Variants in MCF2L observed in about 807,000 individuals in gnomAD.
MCF2L encodes guanine nucleotide exchange factor DBS.
Under a neutral mutation model 153.4 loss-of-function variants are expected in MCF2L, and 97 were observed. The observed-to-expected ratio is 0.63, with a 90% CI of 0.54 to 0.75. The LOEUF is 0.75. MCF2L is among the 30% of genes least tolerant of loss of function. The pLI is 0.00. For synonymous variants in MCF2L, 659 were observed against 632.2 expected (o/e 1.04, Z -0.64); for missense variants, 1,347 against 1,495.2 (o/e 0.90, Z 1.64).
At chr13:112,968,833 A>C (rs2081946288), upstream of MCF2L, 3 of 1,252,122 alleles carry the variant, frequency 2.4e-6, no homozygotes, top group East Asian at 3.1e-5. Flanking sequence ...ACCGGGGGGA[A>C]GGGCGGGGGC....
intron 19 of MCF2L, 32 bp downstream of exon 19, chr13:113,085,016 C>G: frequency 6.2e-7 from 1 of 1,611,744 alleles, no homozygotes; most frequent in Non-Finnish European, 8.5e-7. Flanking sequence ...TAGAACGTTA[C>G]TCCCTTTCCT....
intron 2 of MCF2L, among the ~76,000 whole-genome samples, chr13:112,911,971 G>C (rs904789239): frequency 2.6e-5 from 4 of 152,202 alleles, no homozygotes; most frequent in African/African-American, 9.6e-5. Flanking sequence ...GATGAACTTT[G>C]AATTCTTTTT....
intron 1 of MCF2L, chr13:112,894,561 T>G (rs1381293004): frequency 6.6e-6 from 1 of 151,966 alleles, no homozygotes; most frequent in Non-Finnish European, 1.5e-5. Context: ...TTAGCCTGGC[T>G]GGGGACAGGC....
At chr13:113,095,643 C>G (rs1595047583) in intron 27 of MCF2L, 1 of 993,510 alleles carries the variant, frequency 1.0e-6, no homozygotes, top group South Asian at 4.6e-5. Flanking sequence ...CAGTCACCGT[C>G]CTCCTGCTCC....
At chr13:113,086,863 C>A (rs1345776471) in intron 21 of MCF2L, among the ~76,000 whole-genome samples, 1 of 152,166 alleles carries the variant, frequency 6.6e-6, no homozygotes, top group Non-Finnish European at 1.5e-5. Context: ...GGGTGCCACA[C>A]CTGCCACACA....
intron 2 of MCF2L, among the ~76,000 whole-genome samples, chr13:112,908,280 T>A (rs774535145): frequency 3.3e-5 from 5 of 152,200 alleles, no homozygotes; most frequent in Admixed American, 6.5e-5. Context: ...CCGCCCCAGC[T>A]TGCACAGGGG....
intron 2 of MCF2L, among the ~76,000 whole-genome samples, chr13:113,021,840 C>T (rs1044293928): frequency 6.6e-6 from 1 of 152,170 alleles, no homozygotes; most frequent in Admixed American, 6.5e-5. Flanking sequence ...AGAACAGGGT[C>T]TTTGCTTTGC....
chr13:112,971,098 G>C (rs890762275), intron 1 of MCF2L, among the ~76,000 whole-genome samples: 1 of 152,334 alleles, frequency 6.6e-6, no homozygotes, highest in African/African-American at 2.4e-5. Flanking sequence ...TGCTCACGCT[G>C]TGTGAGGTAC....
At chr13:113,003,234 A>G (rs932020143) in intron 1 of MCF2L, among the ~76,000 whole-genome samples, 4 of 152,074 alleles carry the variant, frequency 2.6e-5, no homozygotes, top group Non-Finnish European at 5.9e-5. Context: ...CAGGGTAAGC[A>G]GGGGTAGGTG....
chr13:113,015,789 T>C (rs2084473003), intron 2 of MCF2L, among the ~76,000 whole-genome samples: 1 of 152,188 alleles, frequency 6.6e-6, no homozygotes, highest in Admixed American at 6.5e-5. Context: ...CATGGCCAAG[T>C]GGCCCAGGAG....
intron 1 of MCF2L, among the ~76,000 whole-genome samples, chr13:112,976,025 A>T (rs2082200846): frequency 6.6e-6 from 1 of 152,188 alleles, no homozygotes; most frequent in African/African-American, 2.4e-5. Flanking sequence ...TTGGGAAGAG[A>T]CACTCAAGAA....
chr13:113,016,504 G>T (rs186779111), intron 2 of MCF2L, among the ~76,000 whole-genome samples: 195 of 152,252 alleles, frequency 1.3e-3, no homozygotes, highest in African/African-American at 4.2e-3. Flanking sequence ...GCAGAGACCC[G>T]CAAGCTGATA....
At chr13:112,912,565 C>T (rs537206153) in intron 2 of MCF2L, among the ~76,000 whole-genome samples, 1 of 152,300 alleles carries the variant, frequency 6.6e-6, no homozygotes, top group South Asian at 2.1e-4. Flanking sequence ...GATTCACCCG[C>T]CTTGGCCTCC....
intron 4 of MCF2L, among the ~76,000 whole-genome samples, chr13:113,052,928 C>G (rs899225341): frequency 1.3e-4 from 20 of 152,036 alleles, no homozygotes; most frequent in African/African-American, 3.4e-4. Flanking sequence ...ACACACATAT[C>G]ACACAGACAT....
At position 112,946,929 on chromosome 13, in the gene MCF2L, G is replaced by A. The variant is rs192595539; in HGVS notation, c.169+44558G>A. 3.9e-5 allele frequency among the ~76,000 whole-genome samples: 6 copies of A among 152,330 alleles called. No individual in the cohort carries two copies. In the East Asian group the frequency reaches 1.2e-3, roughly 29 times the overall value. ...GGAGGCAGAATAGTCACGGGCCTGA[G>A]GACCCAGGGAGCAGTGGCAGGGTGA... On this transcript the variant is annotated intron_variant, in intron 2 of 29. Transcript: ENST00000375608.
At chr13:113,018,611 T>G (rs372646669) in intron 2 of MCF2L, among the ~76,000 whole-genome samples, 137 of 152,238 alleles carry the variant, frequency 9.0e-4, no homozygotes, top group African/African-American at 3.2e-3. Flanking sequence ...GAGGTCGTGG[T>G]CTCAGAACTC....
chr13:113,089,525 T>C lies in MCF2L; in HGVS notation c.2835-85T>C, dbSNP rs200040116. Reference sequence around the variant, plus strand: ...GGATCAGGCCGGGAGCTCAGAGATATCTGAATGCCTCAGGTCCTCAGGGCG... The same window carrying C: ...GGATCAGGCCGGGAGCTCAGAGATACCTGAATGCCTCAGGTCCTCAGGGCG... On this transcript the variant is annotated intron_variant, in intron 25 of 29. Coordinates refer to ENST00000535094, the MANE Select transcript of MCF2L (RefSeq NM_001112732.3). The C allele has an allele frequency of 2.9e-4, 248 of 852,852 alleles. 1 individual carries two copies. Among genetic ancestry groups the C allele is most frequent in the Middle Eastern group, 4.5e-4 (2 of 4,396 alleles). The allele number at this position is 852,852 out of a possible 1,614,324, so 52.8% of individuals were successfully genotyped here. A position where few individuals can be genotyped will look rare whatever the true frequency, so the allele number is the denominator to read the frequency against.
chr13:113,017,605 C>G (rs1430062151), intron 2 of MCF2L, among the ~76,000 whole-genome samples: 1 of 152,204 alleles, frequency 6.6e-6, no homozygotes, highest in Non-Finnish European at 1.5e-5. Flanking sequence ...AAATCTGGCT[C>G]AGAGGTTTGC....
In MCF2L at chr13:113,053,246, C is replaced by T. The variant is rs940392589; in HGVS notation, c.370-7347C>T. ...TCCTGTATTTGTTAAAATCCAGGTC[C>T]AGTGAAGGACGGCGCCCCCGTCAGC... On this transcript the variant is annotated intron_variant, in intron 4 of 29. Coordinates refer to ENST00000535094, the MANE Select transcript of MCF2L (RefSeq NM_001112732.3). The surrounding 1 kb of genome is among the most constrained non-coding windows in gnomAD (Gnocchi z 4.4). Among the ~76,000 whole-genome samples the T allele has an allele frequency of 1.3e-5, 2 of 152,176 alleles. No homozygotes were observed. The highest frequency in any genetic ancestry group is 2.4e-5 in the African/African-American group (1 of 41,426).
Sources: gnomAD v4.1 joint callset for allele counts (sites outside exome capture counted in the v4.1 genomes callset) on GRCh38, gnomAD v4.1.1 for gene constraint, Gnocchi (gnomAD v3.1) non-coding constraint, MANE v1.5 for transcripts, NCBI Gene and HGNC (gene_info 2026-07-23, HGNC 2026-07-21) for gene names.